The following STK32C variants were observed in gnomAD, a reference collection of about 807,000 sequenced individuals.
The protein encoded by STK32C is serine/threonine kinase 32C, also known as serine/threonine-protein kinase 32C.
STK32C carries 31 observed loss-of-function variants against 56.5 expected under a neutral mutation model. The ratio of observed to expected loss-of-function variants is 0.55; its 90% CI spans 0.41 to 0.74. STK32C has a LOEUF of 0.74. Ranked by LOEUF, STK32C falls within the 30% of genes least tolerant of loss-of-function variation. STK32C has a pLI of 0.00. For synonymous variants in STK32C, 309 were observed against 289.4 expected, an observed-to-expected ratio of 1.07 and a Z score of -0.69; for missense variants, 544 against 676.9, an observed-to-expected ratio of 0.80 and a Z score of 2.18.
At chr10:132,318,275 A>AAG (rs1206387801) in intron 1 of STK32C, among the ~76,000 whole-genome samples, 3 of 150,372 alleles carry the variant, frequency 2.0e-5, no homozygotes, top group Admixed American at 1.3e-4. Context: ...CTCAAAAAAA[A>AAG]AGAGAGAGAG....
intron 7 of STK32C, among the ~76,000 whole-genome samples, chr10:132,224,979 C>CCCT (rs745346090): frequency 1.1e-4 from 17 of 152,358 alleles, no homozygotes; most frequent in Non-Finnish European, 2.1e-4. Context: ...AGTTCTCAGC[C>CCCT]TTGTCCACCC....
downstream of STK32C, among the ~76,000 whole-genome samples, chr10:132,321,187 T>A (rs1439737164): frequency 1.3e-5 from 2 of 152,132 alleles, no homozygotes; most frequent in Non-Finnish European, 2.9e-5. Flanking sequence ...CACCTTTGCA[T>A]GTTCATGGGA....
In STK32C at chr10:132,248,147, C is replaced by T. The variant is rs544739344; in HGVS notation, c.263-2192G>A. Among the ~76,000 whole-genome samples, 895 of 152,322 alleles carry T rather than the reference C, an allele frequency of 5.9e-3. 9 individuals carry two copies. Among genetic ancestry groups the T allele is most frequent in the African/African-American group, 0.02 (851 of 41,576 alleles). ...CCAGCAAAGCCACTCCAAGGCAGCCCGGGCCGCGGCCGCACAGGCAGGGAG... is the reference window on the plus strand; with the variant it reads ...CCAGCAAAGCCACTCCAAGGCAGCCTGGGCCGCGGCCGCACAGGCAGGGAG... On this transcript the variant is annotated intron_variant, in intron 1 of 11. Coordinates refer to ENST00000298630, the MANE Select transcript of STK32C (RefSeq NM_173575.4).
At chr10:132,300,662 T>C (rs2065885374) in intron 1 of STK32C, among the ~76,000 whole-genome samples, 1 of 152,222 alleles carries the variant, frequency 6.6e-6, no homozygotes. Context: ...GGTCTGCCTG[T>C]ATACTGGGAG....
chr10:132,228,680 C>A (rs1327474953), intron 2 of STK32C, among the ~76,000 whole-genome samples: 1 of 152,208 alleles, frequency 6.6e-6, no homozygotes, highest in Non-Finnish European at 1.5e-5. Context: ...GCAAGCAGCC[C>A]GGAGGGGTAC....
At chr10:132,294,625 T>A (rs2065680152) in intron 1 of STK32C, among the ~76,000 whole-genome samples, 1 of 152,156 alleles carries the variant, frequency 6.6e-6, no homozygotes, top group Non-Finnish European at 1.5e-5. Context: ...GGCTCACTCT[T>A]AGCCCCTCGG....
chr10:132,217,884 C>T (rs1269507361), intron 10 of STK32C, among the ~76,000 whole-genome samples: 1 of 152,166 alleles, frequency 6.6e-6, no homozygotes, highest in African/African-American at 2.4e-5. Context: ...ATTACCCAGA[C>T]TCAGGTATGC....
chr10:132,255,444 G>A lies in STK32C; in HGVS notation c.263-9489C>T, dbSNP rs1251195880. Among the ~76,000 whole-genome samples the A allele has an allele frequency of 2.0e-5, 3 of 152,122 alleles. No homozygotes were observed. The highest frequency in any genetic ancestry group is 4.4e-5 in the Non-Finnish European group (3 of 68,022). On this transcript the variant is annotated intron_variant, in intron 1 of 11. Coordinates refer to ENST00000298630, the MANE Select transcript of STK32C (RefSeq NM_173575.4). The surrounding 1 kb of genome is among the most constrained non-coding windows in gnomAD (Gnocchi z 4.6). ...CCCTCACCCTCTTGCCATGGCCTGC[G>A]GGAACAAAGACCCACCACGCTGACG...
intron 2 of STK32C, among the ~76,000 whole-genome samples, chr10:132,235,942 A>T (rs1327785449): frequency 6.6e-6 from 1 of 152,058 alleles, no homozygotes; most frequent in Non-Finnish European, 1.5e-5. Flanking sequence ...AAAATGACAC[A>T]CTCTCTGGAA....
At chr10:132,323,742 G>A (rs141489635), downstream of STK32C, among the ~76,000 whole-genome samples, 167 of 152,292 alleles carry the variant, frequency 1.1e-3, no homozygotes, top group African/African-American at 3.7e-3. This position sits in a 1 kb window ranked among gnomAD's most constrained non-coding sequence, Gnocchi z 4.8. Flanking sequence ...TCCATTTTCT[G>A]TTGCTACAAA....
chr10:132,212,863 C>T (rs926469041), intron 10 of STK32C, among the ~76,000 whole-genome samples: 13 of 152,238 alleles, frequency 8.5e-5, no homozygotes, highest in East Asian at 7.7e-4. Context: ...CAAAGCGCTG[C>T]GGCGACCCCC....
At chr10:132,237,852 C>G (rs1157977359) in intron 2 of STK32C, among the ~76,000 whole-genome samples, 6 of 152,194 alleles carry the variant, frequency 3.9e-5, no homozygotes, top group African/African-American at 1.4e-4. Flanking sequence ...TTAGGAACCT[C>G]CAGCTGCCTT....
At chr10:132,313,027 G>A (rs1204886409) in intron 1 of STK32C, among the ~76,000 whole-genome samples, 3 of 152,198 alleles carry the variant, frequency 2.0e-5, no homozygotes, top group Non-Finnish European at 2.9e-5. Flanking sequence ...GCGACAGAGC[G>A]AGACTCTGTC....
At chr10:132,226,002 G>A (rs2062876397) in intron 4 of STK32C, among the ~76,000 whole-genome samples, 1 of 152,208 alleles carries the variant, frequency 6.6e-6, no homozygotes, top group East Asian at 1.9e-4. Context: ...GTGGCATCTG[G>A]GCAGCAGCAC....
chr10:132,273,860 T>C (rs753197097), intron 1 of STK32C, among the ~76,000 whole-genome samples: 2 of 151,778 alleles, frequency 1.3e-5, no homozygotes, highest in South Asian at 2.1e-4. Flanking sequence ...AGTGAGTGAA[T>C]GAATGAGAGT....
intron 1 of STK32C, among the ~76,000 whole-genome samples, chr10:132,301,869 G>A (rs1432378553): frequency 6.6e-6 from 1 of 152,220 alleles, no homozygotes; most frequent in Non-Finnish European, 1.5e-5. Flanking sequence ...CCCATCGGGA[G>A]CCCGGGCCAA....
At chr10:132,228,861 C>G (rs1229887347) in intron 2 of STK32C, among the ~76,000 whole-genome samples, 1 of 152,268 alleles carries the variant, frequency 6.6e-6, no homozygotes, top group Non-Finnish European at 1.5e-5. Context: ...AGGAGACACA[C>G]AGAGTGAGCG....
intron 1 of STK32C, among the ~76,000 whole-genome samples, chr10:132,282,792 G>A (rs1366343901): frequency 2.6e-5 from 4 of 152,344 alleles, no homozygotes; most frequent in East Asian, 1.9e-4. Context: ...CTGGGGAACC[G>A]GCCAGAAGTG....
In STK32C at chr10:132,225,626, G is replaced by A. The variant is rs201250732; in HGVS notation, c.683-10C>T. 6.2e-7 allele frequency: 1 copy of A among 1,610,382 alleles called. No homozygotes were observed. The highest frequency in any genetic ancestry group is 8.5e-7 in the Non-Finnish European group (1 of 1,177,396). Reference sequence around the variant, plus strand: ...GTCAGGTGTGCATGTCCTGTGCAGAGAGGGGTCAGGTGTGGCTGTCCCAGG... The same window carrying A: ...GTCAGGTGTGCATGTCCTGTGCAGAAAGGGGTCAGGTGTGGCTGTCCCAGG... On this transcript the variant is annotated splice_polypyrimidine_tract_variant and intron_variant, in intron 5 of 11. Coordinates refer to ENST00000298630, the MANE Select transcript of STK32C (RefSeq NM_173575.4).
Sources: allele counts gnomAD v4.1 joint callset (sites outside exome capture counted in the v4.1 genomes callset), GRCh38; gene constraint gnomAD v4.1.1; non-coding constraint Gnocchi (gnomAD v3.1); transcripts MANE v1.5; gene names NCBI Gene and HGNC (gene_info 2026-07-23, HGNC 2026-07-21).